Variants in MACROD2 observed in about 807,000 individuals in gnomAD.
The protein encoded by MACROD2 is mono-ADP ribosylhydrolase 2, also known as ADP-ribose glycohydrolase MACROD2.
In MACROD2, 36 loss-of-function variants were observed where a neutral mutation model predicts 70.4. That is an observed-to-expected ratio of 0.51 (90% CI 0.39 to 0.68). The LOEUF (loss-of-function observed/expected upper bound fraction) is 0.68. Among genes scored for constraint, MACROD2 ranks in the 30% least tolerant of loss-of-function variants. The pLI is 0.00. For missense variants in MACROD2, 496 were observed against 538.4 expected, an observed-to-expected ratio of 0.92 and a Z score of 0.78; for synonymous variants, 172 against 178.8, an observed-to-expected ratio of 0.96 and a Z score of 0.30.
chr20:15,492,362 C>T (rs2047242535), intron 7 of MACROD2, among the ~76,000 whole-genome samples: 1 of 152,106 alleles, frequency 6.6e-6, no homozygotes, highest in African/African-American at 2.4e-5. Context: ...CATCTACACC[C>T]TCCAATCTCT....
intron 8 of MACROD2, among the ~76,000 whole-genome samples, chr20:15,559,898 A>C (rs2048219314): frequency 6.6e-6 from 1 of 152,210 alleles, no homozygotes; most frequent in African/African-American, 2.4e-5. Flanking sequence ...CAGTCTTCCA[A>C]ATTAGAAGGC....
intron 15 of MACROD2, among the ~76,000 whole-genome samples, chr20:16,014,914 T>C (rs2066910037): frequency 6.6e-6 from 1 of 152,186 alleles, no homozygotes; most frequent in South Asian, 2.1e-4. Context: ...ATCTTCTATC[T>C]ATAGGAAAAT....
intron 3 of MACROD2, among the ~76,000 whole-genome samples, chr20:14,242,219 A>G (rs571895643): frequency 2.0e-4 from 31 of 152,176 alleles, no homozygotes; most frequent in Non-Finnish European, 3.7e-4. Context: ...TCATCTTCCT[A>G]TCTGATAACA....
At chr20:15,073,466 AACACACACACACACACAC>A (rs11468103) in intron 5 of MACROD2, among the ~76,000 whole-genome samples, 13 of 144,052 alleles carry the variant, frequency 9.0e-5, no homozygotes, top group South Asian at 2.3e-4. Flanking sequence ...TAATTCTCCC[AACACACACACACACACAC>A]ACACACACAC....
intron 5 of MACROD2, among the ~76,000 whole-genome samples, chr20:15,207,583 C>T (rs1416142094): frequency 6.6e-6 from 1 of 151,814 alleles, no homozygotes; most frequent in Non-Finnish European, 1.5e-5. Flanking sequence ...GCTGGGACTA[C>T]AGGTGTGTGC....
chr20:15,604,853 G>A (rs1258792697), intron 8 of MACROD2, among the ~76,000 whole-genome samples: 1 of 152,162 alleles, frequency 6.6e-6, no homozygotes. Flanking sequence ...CAATTATGAT[G>A]AAATAATTTC....
intron 4 of MACROD2, among the ~76,000 whole-genome samples, chr20:14,673,094 A>T (rs2070814466): frequency 6.6e-6 from 1 of 152,178 alleles, no homozygotes; most frequent in South Asian, 2.1e-4. Flanking sequence ...CCTACTTGTC[A>T]TTGAGTTCAG....
intron 12 of MACROD2, among the ~76,000 whole-genome samples, chr20:15,966,139 CAGAG>C (rs1403390742): frequency 2.0e-5 from 3 of 152,020 alleles, no homozygotes; most frequent in Admixed American, 1.3e-4. Flanking sequence ...TGGAGAGAAA[CAGAG>C]GGAGAAATGA....
chr20:15,557,257 G>A (rs1170679469), intron 8 of MACROD2, among the ~76,000 whole-genome samples: 1 of 151,504 alleles, frequency 6.6e-6, no homozygotes, highest in Non-Finnish European at 1.5e-5. Context: ...ATTCTGTTTA[G>A]TAAAATTTAG....
Position 15,764,103 on chromosome 20 carries a change from T to C in MACROD2, c.646-98642T>C, listed in dbSNP as rs145746956. Among the ~76,000 whole-genome samples the C allele has an allele frequency of 1.5e-4, 23 of 152,332 alleles. No homozygotes were observed. In the East Asian group the frequency reaches 4.2e-3, roughly 28 times the overall value. On this transcript the variant is annotated intron_variant, in intron 8 of 17. Transcript: ENST00000684519. Reference sequence around the variant, plus strand: ...GTTGAAACAAAGCCCTGCCATTCCATAGAAGAGAAGTGTATGATGAAGAGA... The same window carrying C: ...GTTGAAACAAAGCCCTGCCATTCCACAGAAGAGAAGTGTATGATGAAGAGA...
At position 14,090,390 on chromosome 20, in the gene MACROD2, T is replaced by C. The variant is rs554521430; in HGVS notation, c.271+4662T>C. Among the ~76,000 whole-genome samples, 4 of 152,148 alleles carry C rather than the reference T, an allele frequency of 2.6e-5. No individual in the cohort carries two copies. The East Asian group carries it at 7.8e-4, about 30-fold the overall frequency. ...GAGTTCGAGACCAGCCTGGCCAAGA[T>C]GGTGAAACCCCGTCTCTACTGAAAA... On this transcript the variant is annotated intron_variant, in intron 3 of 17. Coordinates refer to ENST00000684519, the MANE Select transcript of MACROD2 (RefSeq NM_001351661.2).
chr20:15,870,904 C>G (rs1042472218), intron 9 of MACROD2, among the ~76,000 whole-genome samples: 1 of 152,092 alleles, frequency 6.6e-6, no homozygotes, highest in African/African-American at 2.4e-5. Context: ...ATTGGCTGGT[C>G]ACAGTGGCTC....
chr20:15,866,016 C>T lies in MACROD2; in HGVS notation c.727+3190C>T, dbSNP rs190432379. On this transcript the variant is annotated intron_variant, in intron 9 of 17. Coordinates refer to ENST00000684519, the MANE Select transcript of MACROD2 (RefSeq NM_001351661.2). ...GGTTTGGGGTCAGCTGGATGAGGAA[C>T]AAGTGGAACATATCACAACTGATCA... is the stretch of plus-strand genomic sequence containing the variant. Among the ~76,000 whole-genome samples the T allele has an allele frequency of 1.1e-4, 17 of 152,256 alleles. No individual in the cohort carries two copies. In the East Asian group the frequency reaches 2.1e-3, roughly 19 times the overall value.
At chr20:14,693,001 GC>G (rs1750352026) in intron 5 of MACROD2, among the ~76,000 whole-genome samples, 1 of 152,220 alleles carries the variant, frequency 6.6e-6, no homozygotes, top group Non-Finnish European at 1.5e-5. Flanking sequence ...GAATTAAACA[GC>G]TGTGTTTTGC....
intron 5 of MACROD2, among the ~76,000 whole-genome samples, chr20:15,034,671 T>G (rs976436574): frequency 6.6e-6 from 1 of 152,162 alleles, no homozygotes; most frequent in African/African-American, 2.4e-5. Flanking sequence ...CATGATATAT[T>G]TTGAGTTAAA....
At position 15,512,615 on chromosome 20, in the gene MACROD2, G is replaced by A. The variant is rs527659293; in HGVS notation, c.645+12768G>A. On this transcript the variant is annotated intron_variant, in intron 8 of 17. Transcript: ENST00000684519. ...AAATTAATTCTCCCTGGACATGAAG[G>A]TGCCATTAAGCATAGCGGCAAGAGA... Among the ~76,000 whole-genome samples, 3 of 152,222 alleles carry A rather than the reference G, an allele frequency of 2.0e-5. No homozygotes were observed. In the East Asian group the frequency reaches 5.8e-4, roughly 29 times the overall value.
At chr20:16,013,175 T>C (rs555590649) in intron 15 of MACROD2, among the ~76,000 whole-genome samples, 41 of 46,098 alleles carry the variant, frequency 8.9e-4, no homozygotes, top group South Asian at 5.9e-3. Flanking sequence ...CAAGACTCTG[T>C]CTAAAAAAAA....
chr20:14,197,231 TTCTTAA>T (rs1420932954), intron 3 of MACROD2, among the ~76,000 whole-genome samples: 1 of 152,234 alleles, frequency 6.6e-6, no homozygotes, highest in Non-Finnish European at 1.5e-5. Flanking sequence ...ATTCTTTGCA[TTCTTAA>T]GCATAAACTA....
intron 8 of MACROD2, among the ~76,000 whole-genome samples, chr20:15,722,018 G>A (rs1228449055): frequency 1.3e-5 from 2 of 151,970 alleles, no homozygotes; most frequent in East Asian, 3.8e-4. Context: ...TTCTCCTGTT[G>A]CTTAAAACTA....
Sources: gnomAD v4.1 joint callset for allele counts (sites outside exome capture counted in the v4.1 genomes callset) on GRCh38, gnomAD v4.1.1 for gene constraint, MANE v1.5 for transcripts, NCBI Gene and HGNC (gene_info 2026-07-23, HGNC 2026-07-21) for gene names.